Variants in DLGAP2 observed in about 807,000 individuals in gnomAD.
DLGAP2 encodes DLG associated protein 2.
Under a neutral mutation model 100.3 loss-of-function variants are expected in DLGAP2, and 26 were observed. The observed-to-expected ratio is 0.26, with a 90% confidence interval of 0.19 to 0.36. DLGAP2 has a LOEUF of 0.36. Ranked by LOEUF, DLGAP2 falls within the 10% of genes least tolerant of loss-of-function variation. DLGAP2 has a pLI of 1.00. For missense variants in DLGAP2, 1,858 were observed against 1,453.2 expected, an observed-to-expected ratio of 1.28 and a Z score of -4.53; for synonymous variants, 886 against 630.1, an observed-to-expected ratio of 1.41 and a Z score of -6.08.
chr8:1,054,700 A>G (rs1486573945), intron 2 of DLGAP2, among the ~76,000 whole-genome samples: 2 of 152,184 alleles, frequency 1.3e-5, no homozygotes, highest in East Asian at 1.9e-4. Context: ...CTCAGCAGGA[A>G]TTAACATTAT....
At chr8:958,217 A>G (rs893589362) in intron 2 of DLGAP2, among the ~76,000 whole-genome samples, 5 of 152,136 alleles carry the variant, frequency 3.3e-5, no homozygotes, top group Non-Finnish European at 7.4e-5. Context: ...TCAGAACTGC[A>G]TTCCTTTATA....
At chr8:791,510 C>G (rs1052082965) in intron 1 of DLGAP2, among the ~76,000 whole-genome samples, 13 of 152,210 alleles carry the variant, frequency 8.5e-5, no homozygotes, top group East Asian at 1.9e-4. Context: ...TAATAAGTCT[C>G]TGGTGTCTCA....
At chr8:1,367,881 G>C (rs886230150) in intron 3 of DLGAP2, among the ~76,000 whole-genome samples, 5 of 152,202 alleles carry the variant, frequency 3.3e-5, no homozygotes, top group African/African-American at 9.7e-5. Flanking sequence ...GTAAGAGAGA[G>C]AAGAGGGGGC....
chr8:1,691,054 A>C (rs1417288604), intron 12 of DLGAP2, among the ~76,000 whole-genome samples: 1 of 152,190 alleles, frequency 6.6e-6, no homozygotes, highest in African/African-American at 2.4e-5. Context: ...TTCATTAGAA[A>C]TTATTTAATT....
chr8:1,513,545 A>G (rs1471203576), intron 4 of DLGAP2, among the ~76,000 whole-genome samples: 2 of 152,214 alleles, frequency 1.3e-5, no homozygotes, highest in Non-Finnish European at 2.9e-5. Context: ...GTGGCATAGC[A>G]CCTGCCCATC....
intron 2 of DLGAP2, among the ~76,000 whole-genome samples, chr8:1,165,553 C>G (rs1796999135): frequency 6.6e-6 from 1 of 152,230 alleles, no homozygotes; most frequent in African/African-American, 2.4e-5. Context: ...AAGCCTTGTT[C>G]TAGATACTGG....
At chr8:1,495,665 C>T (rs1400805885) in intron 3 of DLGAP2, among the ~76,000 whole-genome samples, 5 of 152,112 alleles carry the variant, frequency 3.3e-5, no homozygotes, top group African/African-American at 7.2e-5. Flanking sequence ...GTTGTGCTGA[C>T]GTGGACATCT....
intron 2 of DLGAP2, among the ~76,000 whole-genome samples, chr8:1,226,367 GGAAAA>G (rs1289674963): frequency 6.6e-6 from 1 of 152,076 alleles, no homozygotes; most frequent in Admixed American, 6.6e-5. Context: ...AACTAACACA[GGAAAA>G]GAAAACAAAA....
At chr8:1,174,246 C>G (rs1421067395) in intron 2 of DLGAP2, among the ~76,000 whole-genome samples, 1 of 152,076 alleles carries the variant, frequency 6.6e-6, no homozygotes. Flanking sequence ...TGTGATAAGT[C>G]TACCCACATA....
At chr8:1,484,807 T>C (rs528903054) in intron 3 of DLGAP2, among the ~76,000 whole-genome samples, 3 of 152,312 alleles carry the variant, frequency 2.0e-5, no homozygotes, top group African/African-American at 7.2e-5. Flanking sequence ...TGAGATGGCT[T>C]CATGTCCTCC....
chr8:1,540,249 C>T (rs967835278), intron 4 of DLGAP2, among the ~76,000 whole-genome samples: 2 of 152,174 alleles, frequency 1.3e-5, no homozygotes, highest in African/African-American at 2.4e-5. Context: ...AGCCCCTTGC[C>T]CCGCGTTTTT....
At chr8:749,083 T>C (rs902079247) in intron 1 of DLGAP2, among the ~76,000 whole-genome samples, 2 of 152,202 alleles carry the variant, frequency 1.3e-5, no homozygotes, top group African/African-American at 4.8e-5. Flanking sequence ...CAGTGCAGCC[T>C]TGACTTTCTG....
At chr8:1,699,369 G>A (rs1799504809) in intron 14 of DLGAP2, among the ~76,000 whole-genome samples, 1 of 151,902 alleles carries the variant, frequency 6.6e-6, no homozygotes, top group African/African-American at 2.4e-5. Flanking sequence ...ACTTCGGGAG[G>A]CCTAGGCAGG....
At chr8:811,653 TG>T (rs1179680236) in intron 1 of DLGAP2, among the ~76,000 whole-genome samples, 3 of 133,652 alleles carry the variant, frequency 2.2e-5, no homozygotes, top group African/African-American at 5.8e-5. Flanking sequence ...AGGAACTATC[TG>T]GGGGGCCCTG....
Position 1,288,539 on chromosome 8 carries a change from A to AGTGT in DLGAP2, c.106+29674_106+29677dup, listed in dbSNP as rs1166851174. On this transcript the variant is annotated intron_variant, in intron 3 of 14. Transcript: ENST00000637795. ...CTGTTAGGGGAACTAGTTTCAGTTG[A>AGTGT]GTGTGTGTGTGTGTGTGTGTGGTTA... 5.7e-4 allele frequency among the ~76,000 whole-genome samples: 16 copies of AGTGT among 27,896 alleles called. No individual in the cohort carries two copies. In the East Asian group the frequency reaches 0.012, roughly 21 times the overall value. The allele number at this position is 27,896 out of a possible 152,430, so 18.3% of individuals were successfully genotyped here.
chr8:1,232,480 C>T (rs916699647), intron 2 of DLGAP2, among the ~76,000 whole-genome samples: 2 of 152,222 alleles, frequency 1.3e-5, no homozygotes, highest in African/African-American at 4.8e-5. Context: ...GAGGATGCCT[C>T]CTCCGTCTCG....
At chr8:862,339 G>A (rs1797408451) in intron 1 of DLGAP2, among the ~76,000 whole-genome samples, 1 of 145,722 alleles carries the variant, frequency 6.9e-6, no homozygotes. Context: ...GTCTCACTCT[G>A]TCGCCCAGGC....
At chr8:1,492,615 G>C (rs1268476576) in intron 3 of DLGAP2, among the ~76,000 whole-genome samples, 1 of 152,206 alleles carries the variant, frequency 6.6e-6, no homozygotes, top group Non-Finnish European at 1.5e-5. Flanking sequence ...GCCCACGCCT[G>C]TCCCCTCCCC....
In DLGAP2 at chr8:1,410,961, T is replaced by C. The variant is rs76486446; in HGVS notation, c.107-90405T>C. On this transcript the variant is annotated intron_variant, in intron 3 of 14. Transcript: ENST00000637795. ...AGAGATTGTAATCATTATTTTGTTATAATTGCATAGTGTTGTACGTTACTT... is the reference window on the plus strand; with the variant it reads ...AGAGATTGTAATCATTATTTTGTTACAATTGCATAGTGTTGTACGTTACTT... 3.5e-3 allele frequency among the ~76,000 whole-genome samples: 533 copies of C among 152,320 alleles called. 9 individuals carry two copies. In the East Asian group the frequency reaches 0.048, roughly 14 times the overall value.
Sources: allele counts gnomAD v4.1 joint callset (sites outside exome capture counted in the v4.1 genomes callset), GRCh38; gene constraint gnomAD v4.1.1; transcripts MANE v1.5; gene names NCBI Gene and HGNC (gene_info 2026-07-23, HGNC 2026-07-21).